Variants in ARHGAP25 observed in about 807,000 individuals in gnomAD.
ARHGAP25 encodes the protein Rho GTPase activating protein 25.
Under a neutral mutation model 71.0 loss-of-function variants are expected in ARHGAP25, and 34 were observed. The observed-to-expected ratio is 0.48, with a 90% CI of 0.36 to 0.64. The LOEUF (loss-of-function observed/expected upper bound fraction) is 0.64, where lower values mean the gene tolerates loss of function less well. Among genes scored for constraint, ARHGAP25 ranks in the 30% least tolerant of loss-of-function variants. The pLI, the probability that ARHGAP25 is intolerant of heterozygous loss-of-function variation, is 0.00. For missense variants in ARHGAP25, 706 were observed against 805.1 expected, an observed-to-expected ratio of 0.88 and a Z score of 1.49; for synonymous variants, 282 against 296.5, an observed-to-expected ratio of 0.95 and a Z score of 0.50.
chr2:68,794,639 T>C (rs1679412072), intron 4 of ARHGAP25, among the ~76,000 whole-genome samples: 1 of 152,184 alleles, frequency 6.6e-6, no homozygotes, highest in South Asian at 2.1e-4. Context: ...TGGTGTGTTA[T>C]CTTTTTGATG....
At chr2:68,716,790 C>G (rs1674617190) in intron 2 of ARHGAP25, among the ~76,000 whole-genome samples, 1 of 152,174 alleles carries the variant, frequency 6.6e-6, no homozygotes, top group African/African-American at 2.4e-5. Context: ...TATAAGTTTT[C>G]TGAACCAAAC....
At chr2:68,764,695 C>G (rs899979964) in intron 1 of ARHGAP25, among the ~76,000 whole-genome samples, 2 of 152,138 alleles carry the variant, frequency 1.3e-5, no homozygotes, top group Non-Finnish European at 2.9e-5. Context: ...TCTCAGGTCT[C>G]CATCTGTTCC....
intron 4 of ARHGAP25, among the ~76,000 whole-genome samples, chr2:68,794,965 T>C (rs1485830332): frequency 6.6e-6 from 1 of 152,178 alleles, no homozygotes; most frequent in African/African-American, 2.4e-5. Context: ...ACTGTTGGTC[T>C]CTTCAGACTT....
At position 68,822,732 on chromosome 2, in the gene ARHGAP25, T is replaced by C. The variant is rs749510157; in HGVS notation, c.1593T>C (p.Thr531=). The C allele has an allele frequency of 1.2e-6, 2 of 1,614,170 alleles. No homozygotes were observed. The highest frequency in any genetic ancestry group is 2.2e-5 in the South Asian group (2 of 91,084). Residue 531 remains threonine, a synonymous_variant, in exon 10 of 11, where the codon ACT becomes ACC. Coordinates refer to ENST00000409202, the MANE Select transcript of ARHGAP25 (RefSeq NM_001007231.3). ...AAGCCTGTGACTCCAAGGGAGATAC[T>C]CTTGCCAGTCCAAACTCTGAAACTG... ...SSQACDSKGD[T]LASPNSETGP... is the part of the protein sequence containing the mutation.
intron 8 of ARHGAP25, among the ~76,000 whole-genome samples, chr2:68,818,219 T>G (rs1288222571): frequency 6.6e-6 from 1 of 152,240 alleles, no homozygotes; most frequent in East Asian, 1.9e-4. Flanking sequence ...GGTCCCACAG[T>G]GCAGTAGACT....
rs1678854188 is a variant in ARHGAP25 at position 68,787,711 on chromosome 2, A to G, written c.350-129A>G. On this transcript the variant is annotated intron_variant, in intron 3 of 10. Coordinates refer to ENST00000409202, the MANE Select transcript of ARHGAP25 (RefSeq NM_001007231.3). ...TCCACTGAGGATAATTCGACAATGC[A>G]TTTGTGTTGTTTGGCTGGTAGTGCT... 1.3e-5 allele frequency: 10 copies of G among 742,926 alleles called. No homozygotes were observed. In the Admixed American group the frequency reaches 1.9e-4, roughly 14 times the overall value. The allele number at this position is 742,926 out of a possible 1,614,324, so 46.0% of individuals were successfully genotyped here. A position where few individuals can be genotyped will look rare whatever the true frequency, so the allele number is the denominator to read the frequency against.
chr2:68,765,569 A>C (rs1011017741), intron 1 of ARHGAP25, among the ~76,000 whole-genome samples: 1 of 152,200 alleles, frequency 6.6e-6, no homozygotes, highest in South Asian at 2.1e-4. Flanking sequence ...TTATGCTAAG[A>C]TATTTTAAAA....
At chr2:68,750,469 C>T (rs541246858) in intron 1 of ARHGAP25, among the ~76,000 whole-genome samples, 15 of 152,122 alleles carry the variant, frequency 9.9e-5, no homozygotes, top group East Asian at 1.9e-4. Flanking sequence ...ACTACAGGCA[C>T]CTGTCACCAT....
At chr2:68,735,713 C>A (rs1675178690) in intron 1 of ARHGAP25, among the ~76,000 whole-genome samples, 1 of 151,894 alleles carries the variant, frequency 6.6e-6, no homozygotes, top group Non-Finnish European at 1.5e-5. Context: ...AAGGTAGTAG[C>A]AAAAGGTAGA....
intron 2 of ARHGAP25, among the ~76,000 whole-genome samples, chr2:68,712,298 C>T (rs185114098): frequency 1.8e-4 from 28 of 152,296 alleles, no homozygotes; most frequent in African/African-American, 5.5e-4. Flanking sequence ...TGTTCGTTGG[C>T]CACATAAATG....
rs371595210 is a variant in ARHGAP25 at position 68,807,518 on chromosome 2, C to A, written c.674+38C>A. On this transcript the variant is annotated intron_variant, in intron 5 of 10. Transcript: ENST00000409202. ...ACTGCAGTGTCCCACCTCTGCCCTC[C>A]CCTCTGCTTGGCTTGGCTGGGAGGG... 10 of 1,596,292 alleles carry A rather than the reference C, an allele frequency of 6.3e-6. No individual in the cohort carries two copies. The Admixed American group carries it at 1.0e-4, about 16-fold the overall frequency.
At chr2:68,722,467 AT>A (rs2104258134) in intron 2 of ARHGAP25, among the ~76,000 whole-genome samples, 1 of 151,918 alleles carries the variant, frequency 6.6e-6, no homozygotes, top group South Asian at 2.1e-4. Flanking sequence ...AATCCCAGCT[AT>A]TCGGGAGGCT....
chr2:68,783,001 C>G (rs1286327375), intron 3 of ARHGAP25, among the ~76,000 whole-genome samples: 1 of 152,258 alleles, frequency 6.6e-6, no homozygotes, highest in Non-Finnish European at 1.5e-5. Context: ...AGCCTTGCTG[C>G]TACTGCTGTA....
chr2:68,813,666 A>G (rs1251460213), intron 6 of ARHGAP25, among the ~76,000 whole-genome samples: 1 of 152,202 alleles, frequency 6.6e-6, no homozygotes, highest in African/African-American at 2.4e-5. Flanking sequence ...CATTAAAAGT[A>G]GTGAGAAAAG....
chr2:68,753,894 G>A (rs1676326112), intron 1 of ARHGAP25, among the ~76,000 whole-genome samples: 1 of 148,400 alleles, frequency 6.7e-6, no homozygotes, highest in South Asian at 2.1e-4. Context: ...ATGGTCATTC[G>A]GTAAGATGTA....
chr2:68,718,065 A>G (rs1358749508), intron 2 of ARHGAP25, among the ~76,000 whole-genome samples: 1 of 151,988 alleles, frequency 6.6e-6, no homozygotes, highest in Admixed American at 6.6e-5. Context: ...AGCTGTGAAC[A>G]CTCAGCAGCT....
At position 68,822,346 on chromosome 2, in the gene ARHGAP25, G is replaced by C. The variant is rs1315038079; in HGVS notation, c.1207G>C (p.Asp403His). 6.2e-7 allele frequency: 1 copy of C among 1,612,184 alleles called. No individual in the cohort carries two copies. Among genetic ancestry groups the C allele is most frequent in the Non-Finnish European group, 8.5e-7 (1 of 1,179,186 alleles). Residue 403 changes from aspartate (D) to histidine (H), a missense_variant, in exon 10 of 11, where the codon GAC becomes CAC. Physicochemically the swap from Asp to His is moderately conservative, Grantham distance 81. Coordinates refer to ENST00000409202, the MANE Select transcript of ARHGAP25 (RefSeq NM_001007231.3). ...ATGGCCATTTCTTTTCTAGACAAGC[G>C]ACTCTGATACAACCAGCCCCACCGG... ...RTDSFSSMTS[D>H]SDTTSPTGQQ...
chr2:68,754,054 C>T (rs1243646161), intron 1 of ARHGAP25, among the ~76,000 whole-genome samples: 1 of 152,138 alleles, frequency 6.6e-6, no homozygotes, highest in African/African-American at 2.4e-5. Flanking sequence ...AGGCGCCCGC[C>T]ACCATGCCCA....
chr2:68,718,180 A>G (rs1042502392), intron 2 of ARHGAP25, among the ~76,000 whole-genome samples: 1 of 152,162 alleles, frequency 6.6e-6, no homozygotes, highest in African/African-American at 2.4e-5. Flanking sequence ...TTGCCAATCA[A>G]ATGTGTCCCC....
Sources: allele counts gnomAD v4.1 joint callset (sites outside exome capture counted in the v4.1 genomes callset), GRCh38; gene constraint gnomAD v4.1.1; transcripts MANE v1.5; gene names NCBI Gene and HGNC (gene_info 2026-07-23, HGNC 2026-07-21).